The following GNAO1 variants were observed in gnomAD, a reference collection of about 807,000 sequenced individuals.
The protein encoded by GNAO1 is guanine nucleotide-binding protein G(o) subunit alpha.
For synonymous variants in GNAO1, 164 were observed against 180.7 expected, an observed-to-expected ratio of 0.91 and a Z score of 0.74; for missense variants, 166 against 478.7, an observed-to-expected ratio of 0.35 and a Z score of 6.10.
rs1182981628 is a variant in GNAO1 at position 56,192,337 on chromosome 16, G to T, written c.102G>T (p.Val34=). 38 of 1,596,396 alleles carry T rather than the reference G, an allele frequency of 2.4e-5. No individual in the cohort carries two copies. In the East Asian group the frequency reaches 8.5e-4, roughly 36 times the overall value. The change falls in exon 1 of 9, where the codon GTG becomes GTT. Residue 34 remains valine, a synonymous_variant. Coordinates refer to ENST00000262493, the MANE Select transcript of GNAO1 (RefSeq NM_020988.3). The part of the protein sequence containing the change: ...KEDGISAAKD[V]KLLLLGAGES... ...ATGGCATCAGCGCCGCCAAAGACGTGAAATTACTCCTGCTCGGTAAGGACC... is the reference window on the plus strand; with the variant it reads ...ATGGCATCAGCGCCGCCAAAGACGTTAAATTACTCCTGCTCGGTAAGGACC...
intron 2 of GNAO1, among the ~76,000 whole-genome samples, chr16:56,261,927 G>A (rs1384304623): frequency 6.6e-6 from 1 of 152,156 alleles, no homozygotes; most frequent in Admixed American, 6.5e-5. Context: ...ACAGAAACCT[G>A]CCCTAGAGTG....
At chr16:56,350,857 C>T (rs1422677704) in intron 6 of GNAO1, among the ~76,000 whole-genome samples, 1 of 152,160 alleles carries the variant, frequency 6.6e-6, no homozygotes, top group East Asian at 1.9e-4. Context: ...GGGCCAAAGC[C>T]CAGCTCTCCG....
intron 2 of GNAO1, among the ~76,000 whole-genome samples, chr16:56,238,267 T>C (rs1465361735): frequency 6.6e-6 from 1 of 152,190 alleles, no homozygotes; most frequent in East Asian, 1.9e-4. Context: ...AGGCCTGGCA[T>C]TGGAGCAAGG....
chr16:56,192,448 G>T, intron 1 of GNAO1, 95 bp downstream of exon 1: 1 of 891,870 alleles, frequency 1.1e-6, no homozygotes, highest in Non-Finnish European at 1.8e-6. Flanking sequence ...CGGGAGACCT[G>T]GTCCCCAAGT....
chr16:56,320,034 A>G lies in GNAO1; in HGVS notation c.304-8597A>G, dbSNP rs542373382. Among the ~76,000 whole-genome samples the G allele has an allele frequency of 9.7e-4, 148 of 152,328 alleles. 1 individual carries two copies. The highest frequency in any genetic ancestry group is 3.5e-3 in the African/African-American group (145 of 41,572). The stretch of plus-strand genomic sequence containing the variant: ...AACCAGAAAGATTGTACTGGTTACT[A>G]TGATAAAAATATGTTCATGCTGTCT... On this transcript the variant is annotated intron_variant, in intron 3 of 8. Transcript: ENST00000262493.
At chr16:56,253,697 A>G (rs761429975) in intron 2 of GNAO1, among the ~76,000 whole-genome samples, 49 of 152,166 alleles carry the variant, frequency 3.2e-4, no homozygotes, top group Non-Finnish European at 5.9e-4. Context: ...TGTGGGAGGT[A>G]TGCACAGACA....
intron 3 of GNAO1, among the ~76,000 whole-genome samples, chr16:56,280,039 G>A (rs781015619): frequency 6.6e-6 from 1 of 152,248 alleles, no homozygotes; most frequent in Non-Finnish European, 1.5e-5. Context: ...CAAAGTGCCT[G>A]TAACTTTGTC....
At chr16:56,298,914 C>CAA (rs761298658) in intron 3 of GNAO1, among the ~76,000 whole-genome samples, 35 of 70,288 alleles carry the variant, frequency 5.0e-4, no homozygotes, top group African/African-American at 1.0e-3. Flanking sequence ...GACTCTGTCT[C>CAA]AAAAAAAAAA....
chr16:56,328,660 G>T lies in GNAO1; in HGVS notation c.333G>T (p.Val111=). Residue 111 remains valine (V), a synonymous_variant, in exon 4 of 9, where the codon GTG becomes GTT. Coordinates refer to ENST00000262493, the MANE Select transcript of GNAO1 (RefSeq NM_020988.3). ...ACGCCAAGATGGTGTGTGATGTGGT[G>T]AGTCGGATGGAAGACACCGAGCCCT... ...KADAKMVCDV[V]SRMEDTEPFS... is the part of the protein sequence containing the mutation. 1 of 1,614,232 alleles carries T rather than the reference G, an allele frequency of 6.2e-7. No homozygotes were observed. Among genetic ancestry groups the T allele is most frequent in the Middle Eastern group, 1.7e-4 (1 of 6,060 alleles).
chr16:56,283,362 C>G (rs1328257005), intron 3 of GNAO1, among the ~76,000 whole-genome samples: 1 of 152,186 alleles, frequency 6.6e-6, no homozygotes. Context: ...CGCCCATGCT[C>G]TTGTTCCACC....
At chr16:56,334,966 C>T (rs2037726784) in intron 5 of GNAO1, 109 bp downstream of exon 5, 4 of 1,245,584 alleles carry the variant, frequency 3.2e-6, no homozygotes, top group Non-Finnish European at 4.5e-6. Flanking sequence ...CCCCAGGGAA[C>T]CTGCGGGCTG....
chr16:56,225,966 G>C (rs1319460256), intron 2 of GNAO1, among the ~76,000 whole-genome samples: 1 of 151,882 alleles, frequency 6.6e-6, no homozygotes, highest in East Asian at 1.9e-4. Context: ...AAGGTGTGGG[G>C]AAAAAGCTTT....
At chr16:56,263,574 G>A (rs1239906603) in intron 2 of GNAO1, among the ~76,000 whole-genome samples, 1 of 152,212 alleles carries the variant, frequency 6.6e-6, no homozygotes, top group Non-Finnish European at 1.5e-5. Flanking sequence ...TCCGAGCAGA[G>A]CCCTGAATGC....
intron 2 of GNAO1, among the ~76,000 whole-genome samples, chr16:56,259,179 T>G (rs1305629411): frequency 6.6e-6 from 1 of 152,168 alleles, no homozygotes; most frequent in Non-Finnish European, 1.5e-5. Context: ...AGGAAGCCCC[T>G]CAGGAATGAG....
intron 2 of GNAO1, 83 bp from the exon 3 acceptor site, chr16:56,275,848 A>G: frequency 8.1e-7 from 1 of 1,232,336 alleles, no homozygotes; most frequent in Non-Finnish European, 1.1e-6. Flanking sequence ...GCCCACAGTC[A>G]GCCAGTGCGT....
chr16:56,313,772 G>C (rs2037481586), intron 3 of GNAO1, among the ~76,000 whole-genome samples: 1 of 152,086 alleles, frequency 6.6e-6, no homozygotes. Flanking sequence ...GCCCAGGCTG[G>C]AGTGCAGTGG....
At chr16:56,345,676 C>T in intron 6 of GNAO1, 7 of 985,558 alleles carry the variant, frequency 7.1e-6, no homozygotes, top group Non-Finnish European at 8.4e-6. Context: ...TGGGACGTGG[C>T]AGAGGACAGG....
At chr16:56,197,790 AGATAG>A (rs752693898) in intron 2 of GNAO1, among the ~76,000 whole-genome samples, 10 of 152,230 alleles carry the variant, frequency 6.6e-5, no homozygotes, top group African/African-American at 9.6e-5. Flanking sequence ...CATCTGCTAA[AGATAG>A]GACAAGATCA....
chr16:56,271,219 T>C (rs554797234), intron 2 of GNAO1: 1 of 152,344 alleles, frequency 6.6e-6, no homozygotes, highest in East Asian at 1.9e-4. Context: ...GCATTTGCCA[T>C]TTACCAGCTG....
Sources: allele counts gnomAD v4.1 joint callset (sites outside exome capture counted in the v4.1 genomes callset), GRCh38; gene constraint gnomAD v4.1.1; transcripts MANE v1.5; gene names NCBI Gene and HGNC (gene_info 2026-07-23, HGNC 2026-07-21).